CALU: variants seen among roughly 807,000 people sequenced by gnomAD.
The protein encoded by CALU is IEF SSP 9302.
Under a neutral mutation model 37.5 loss-of-function variants are expected in CALU, and 13 were observed. The ratio of observed to expected loss-of-function variants is 0.35; its 90% CI spans 0.23 to 0.55. The LOEUF (loss-of-function observed/expected upper bound fraction) is 0.55. Ranked by LOEUF, CALU falls within the 20% of genes least tolerant of loss-of-function variation. The probability of loss-of-function intolerance (pLI) is 0.89; values close to 1 mark genes in which losing one functional copy is unlikely to be tolerated. For missense variants in CALU, 282 were observed against 391.7 expected (o/e 0.72, Z 2.36); for synonymous variants, 114 against 133.8 (o/e 0.85, Z 1.02).
rs916452279 is a variant in CALU at position 128,770,748 on chromosome 7, C to G, written c.*1581C>G. ...GGGTCCCTTTCTTACAGATGGACCTCTTGAGAAGAATTATCGTATTCCACG... is the reference window on the plus strand; with the variant it reads ...GGGTCCCTTTCTTACAGATGGACCTGTTGAGAAGAATTATCGTATTCCACG... On this transcript the variant is annotated 3_prime_UTR_variant, in exon 7 of 7. Coordinates refer to ENST00000249364, the MANE Select transcript of CALU (RefSeq NM_001219.5). 6.5e-6 allele frequency: 1 copy of G among 152,728 alleles called. No individual in the cohort carries two copies. The highest frequency in any genetic ancestry group is 2.1e-4 in the South Asian group (1 of 4,826). The allele number at this position is 152,728 out of a possible 1,614,324, so 9.5% of individuals were successfully genotyped here.
chr7:128,769,478 C>T lies in CALU; in HGVS notation c.*311C>T, dbSNP rs1362748522. 5.5e-6 allele frequency: 1 copy of T among 182,832 alleles called. No individual in the cohort carries two copies. The highest frequency in any genetic ancestry group is 1.4e-4 in the East Asian group (1 of 7,202). The allele number at this position is 182,832 out of a possible 1,614,324, so 11.3% of individuals were successfully genotyped here. ...TGATATGAAGGATCAAGATCCTCAA[C>T]TCACACATGTAGACAAACATTAGCT... On this transcript the variant is annotated 3_prime_UTR_variant, in exon 7 of 7. Coordinates refer to ENST00000249364, the MANE Select transcript of CALU (RefSeq NM_001219.5).
At chr7:128,759,406 G>A (rs1801013290) in intron 4 of CALU, among the ~76,000 whole-genome samples, 1 of 152,164 alleles carries the variant, frequency 6.6e-6, no homozygotes, top group African/African-American at 2.4e-5. Flanking sequence ...TCTCACAGAA[G>A]GCAGTTACTG....
At position 128,769,672 on chromosome 7, in the gene CALU, C is replaced by A. The variant is rs1457886871; in HGVS notation, c.*505C>A. The A allele has an allele frequency of 1.3e-5, 2 of 152,488 alleles. No homozygotes were observed. Among genetic ancestry groups the A allele is most frequent in the Non-Finnish European group, 2.9e-5 (2 of 68,250 alleles). 9.4% of individuals were successfully genotyped at this position (152,488 alleles called of 1,614,324 possible). On this transcript the variant is annotated 3_prime_UTR_variant, in exon 7 of 7. Transcript: ENST00000249364. ...TAGTCTTGCCTGTCAAAAAGTCCAACATTTCATAGGTAGTAGGGGCCACAT... is the reference window on the plus strand; with the variant it reads ...TAGTCTTGCCTGTCAAAAAGTCCAAAATTTCATAGGTAGTAGGGGCCACAT...
At chr7:128,745,086 G>A (rs2128877525) in intron 1 of CALU, among the ~76,000 whole-genome samples, 1 of 152,142 alleles carries the variant, frequency 6.6e-6, no homozygotes, top group Non-Finnish European at 1.5e-5. Context: ...GTAATATTTG[G>A]GGTTGGCAAG....
Position 128,769,261 on chromosome 7 carries a change from A to C in CALU, c.*94A>C, listed in dbSNP as rs1801463769. ...TTTGCGCTACTGAGACTGTTACTAC[A>C]AACTTTTTAAGACATGAAAAGGCGT... On this transcript the variant is annotated 3_prime_UTR_variant, in exon 7 of 7. Coordinates refer to ENST00000249364, the MANE Select transcript of CALU (RefSeq NM_001219.5). 1.5e-6 allele frequency: 1 copy of C among 657,704 alleles called. No individual in the cohort carries two copies. Among genetic ancestry groups the C allele is most frequent in the Non-Finnish European group, 2.6e-6 (1 of 381,126 alleles). The allele number at this position is 657,704 out of a possible 1,614,324, so 40.7% of individuals were successfully genotyped here. A position where few individuals can be genotyped will look rare whatever the true frequency, so the allele number is the denominator to read the frequency against.
intron 5 of CALU, among the ~76,000 whole-genome samples, chr7:128,760,833 A>G (rs1464534886): frequency 1.3e-5 from 2 of 152,208 alleles, no homozygotes; most frequent in Non-Finnish European, 2.9e-5. Context: ...GCATGAACCC[A>G]GGAGGCAGAG....
intron 1 of CALU, among the ~76,000 whole-genome samples, chr7:128,740,236 G>A (rs1311519163): frequency 6.6e-6 from 1 of 152,172 alleles, no homozygotes; most frequent in Non-Finnish European, 1.5e-5. Flanking sequence ...CAAGCTCCGT[G>A]GGTCTCCTGC....
Position 128,754,358 on chromosome 7 carries a change from C to T in CALU, c.318C>T (p.Tyr106=), listed in dbSNP as rs764741419. 1.6e-5 allele frequency: 26 copies of T among 1,613,944 alleles called. No homozygotes were observed. Among genetic ancestry groups the T allele is most frequent in the African/African-American group, 6.7e-5 (5 of 74,894 alleles). The change falls in exon 3 of 7, where the codon TAC becomes TAT. Residue 106 remains tyrosine, a synonymous_variant. Coordinates refer to ENST00000249364, the MANE Select transcript of CALU (RefSeq NM_001219.5). ...WIKFAQKRWI[Y]EDVERQWKGH... ...AATTTGCACAAAAGCGCTGGATTTA[C>T]GAGGATGTAGAGCGACAGTGGAAGG...
chr7:128,772,646 A>G lies in CALU; in HGVS notation c.*3479A>G, dbSNP rs201497890. 15 of 1,614,158 alleles carry G rather than the reference A, an allele frequency of 9.3e-6. No homozygotes were observed. The East Asian group carries it at 3.3e-4, about 36-fold the overall frequency. ...GGCCTTCCCACACACCATCTTCATG[A>G]TGCAAGCTTGGAACTGGAGAGAAAG... On this transcript the variant is annotated 3_prime_UTR_variant, in exon 7 of 7. Transcript: ENST00000249364.
intron 5 of CALU, among the ~76,000 whole-genome samples, chr7:128,762,484 G>T (rs932760372): frequency 6.7e-6 from 1 of 148,788 alleles, no homozygotes; most frequent in Non-Finnish European, 1.5e-5. Flanking sequence ...CTAGTGCCCT[G>T]TTGAAGGAGA....
chr7:128,746,837 C>T (rs1018662656), intron 1 of CALU, among the ~76,000 whole-genome samples: 2 of 140,806 alleles, frequency 1.4e-5, no homozygotes, highest in East Asian at 2.0e-4. Context: ...GGTGCTATCT[C>T]GGCTCACTGC....
intron 3 of CALU, among the ~76,000 whole-genome samples, chr7:128,755,364 G>A (rs1301815681): frequency 1.3e-5 from 2 of 149,592 alleles, no homozygotes; most frequent in Non-Finnish European, 3.0e-5. Flanking sequence ...TTCCAACAGT[G>A]CAAAGCAAGG....
chr7:128,744,836 A>G (rs1338916105), intron 1 of CALU, among the ~76,000 whole-genome samples: 1 of 152,200 alleles, frequency 6.6e-6, no homozygotes, highest in East Asian at 1.9e-4. Flanking sequence ...AAGTTTATTC[A>G]GGAGAGGGGA....
chr7:128,761,001 A>G (rs1801093863), intron 5 of CALU, among the ~76,000 whole-genome samples: 1 of 152,172 alleles, frequency 6.6e-6, no homozygotes, highest in Non-Finnish European at 1.5e-5. Flanking sequence ...AAGATGGATA[A>G]ATAAATGACG....
At chr7:128,753,933 G>C (rs1278827619) in intron 2 of CALU, among the ~76,000 whole-genome samples, 1 of 152,196 alleles carries the variant, frequency 6.6e-6, no homozygotes, top group African/African-American at 2.4e-5. Context: ...GAAAAACAAA[G>C]TTTTACATGT....
In CALU at chr7:128,770,062, C is replaced by T. The variant is rs1332370133; in HGVS notation, c.*895C>T. ...CACTGTAAATGCCCCCATCCGGTTC[C>T]TCTTCTTCCCAGGTGTGCCAAGGAA... On this transcript the variant is annotated 3_prime_UTR_variant, in exon 7 of 7. Transcript: ENST00000249364. 2 of 152,608 alleles carry T rather than the reference C, an allele frequency of 1.3e-5. No individual in the cohort carries two copies. Among genetic ancestry groups the T allele is most frequent in the Non-Finnish European group, 1.5e-5 (1 of 68,036 alleles). 9.5% of individuals were successfully genotyped at this position (152,608 alleles called of 1,614,324 possible). A position where few individuals can be genotyped will look rare whatever the true frequency, so the allele number is the denominator to read the frequency against.
At chr7:128,760,775 G>A (rs1039487108) in intron 5 of CALU, among the ~76,000 whole-genome samples, 1 of 152,220 alleles carries the variant, frequency 6.6e-6, no homozygotes, top group African/African-American at 2.4e-5. Context: ...GGGTGTAGTG[G>A]CAGGCGCCTG....
Position 128,772,790 on chromosome 7 carries a change from C to CT in CALU, c.*3624dup, listed in dbSNP as rs575492398. On this transcript the variant is annotated 3_prime_UTR_variant, in exon 7 of 7. Transcript: ENST00000249364. ...AGAATGCCCTTAGGTGGTTTTGAAT[C>CT]TATCTTCCCCATCCTGAAAACTATC... The CT allele has an allele frequency of 8.5e-7, 1 of 1,182,904 alleles. No homozygotes were observed. Among genetic ancestry groups the CT allele is most frequent in the Non-Finnish European group, 1.2e-6 (1 of 808,274 alleles). The allele number at this position is 1,182,904 out of a possible 1,614,324, so 73.3% of individuals were successfully genotyped here. A position where few individuals can be genotyped will look rare whatever the true frequency, so the allele number is the denominator to read the frequency against.
At position 128,769,838 on chromosome 7, in the gene CALU, C is replaced by T. The variant is rs1220539044; in HGVS notation, c.*671C>T. 1.3e-5 allele frequency: 2 copies of T among 152,180 alleles called. No homozygotes were observed. The highest frequency in any genetic ancestry group is 2.9e-5 in the Non-Finnish European group (2 of 68,054). The allele number at this position is 152,180 out of a possible 1,614,324, so 9.4% of individuals were successfully genotyped here. On this transcript the variant is annotated 3_prime_UTR_variant, in exon 7 of 7. Coordinates refer to ENST00000249364, the MANE Select transcript of CALU (RefSeq NM_001219.5). ...AGGACTGACTGTTGGCTAATTTTGT[C>T]AAGCACAGCTGTGGTGGGAAGAGTT...
Sources: allele counts gnomAD v4.1 joint callset (sites outside exome capture counted in the v4.1 genomes callset), GRCh38; gene constraint gnomAD v4.1.1; transcripts MANE v1.5; gene names NCBI Gene and HGNC (gene_info 2026-07-23, HGNC 2026-07-21).